PAH: variants seen among roughly 807,000 people sequenced by gnomAD.
The protein encoded by PAH is phenylalanine hydroxylase.
PAH carries 64 observed loss-of-function variants against 62.0 expected under a neutral mutation model. The observed-to-expected ratio is 1.03, with a 90% CI of 0.84 to 1.27. PAH has a LOEUF of 1.27. PAH is among the 50% of genes most tolerant of loss of function. PAH has a pLI of 0.00. For synonymous variants in PAH, 195 were observed against 196.2 expected (o/e 0.99, Z 0.05); for missense variants, 579 against 542.8 (o/e 1.07, Z -0.66).
chr12:102,928,363 G>A (rs1878746752), intron 1 of PAH, among the ~76,000 whole-genome samples: 1 of 152,120 alleles, frequency 6.6e-6, no homozygotes, highest in African/African-American at 2.4e-5. Context: ...TGACTGATAG[G>A]TTTTTAGTAT....
At chr12:102,916,774 C>T (rs1310584599) in intron 1 of PAH, among the ~76,000 whole-genome samples, 3 of 152,204 alleles carry the variant, frequency 2.0e-5, no homozygotes, top group Non-Finnish European at 4.4e-5. Flanking sequence ...CAGAGAGGGA[C>T]AGTAACTTGT....
intron 11 of PAH, among the ~76,000 whole-genome samples, chr12:102,840,966 T>C (rs1483616023): frequency 1.3e-5 from 2 of 152,214 alleles, no homozygotes; most frequent in South Asian, 2.1e-4. Context: ...AAATTTAACA[T>C]TGATGGAGTA....
At chr12:102,913,731 C>T (rs932747838) in intron 1 of PAH, 2 of 693,020 alleles carry the variant, frequency 2.9e-6, no homozygotes, top group Non-Finnish European at 5.3e-6. Flanking sequence ...TGAAAGTACA[C>T]AAATAACCTA....
intron 1 of PAH, among the ~76,000 whole-genome samples, chr12:102,938,575 G>A (rs946030213): frequency 1.3e-5 from 2 of 152,120 alleles, no homozygotes; most frequent in Admixed American, 6.6e-5. Flanking sequence ...ACTGGCCCAG[G>A]ACCCCAGAAC....
chr12:102,931,448 A>G (rs1878871188), intron 1 of PAH, among the ~76,000 whole-genome samples: 1 of 152,136 alleles, frequency 6.6e-6, no homozygotes, highest in African/African-American at 2.4e-5. Flanking sequence ...GTTGATGATG[A>G]TGGTTAGGAA....
chr12:102,936,939 C>G (rs7303652), intron 1 of PAH, among the ~76,000 whole-genome samples: 3 of 152,078 alleles, frequency 2.0e-5, no homozygotes, highest in Non-Finnish European at 2.9e-5. Context: ...GTGGGAGGGA[C>G]CTGCTGGGAG....
intron 2 of PAH, among the ~76,000 whole-genome samples, chr12:102,897,989 G>T (rs754034551): frequency 1.3e-5 from 2 of 152,158 alleles, no homozygotes; most frequent in Non-Finnish European, 2.9e-5. Flanking sequence ...TTCTGAAGCA[G>T]AAATGAACTA....
chr12:102,923,573 CA>C (rs1878610484), intron 1 of PAH: 4 of 152,184 alleles, frequency 2.6e-5, no homozygotes, highest in African/African-American at 9.6e-5. Flanking sequence ...GAGAACTTAC[CA>C]AAATTTTTGA....
Position 102,846,959 on chromosome 12 carries a change from TG to T in PAH, c.913-9del. 3 of 1,612,206 alleles carry T rather than the reference TG, an allele frequency of 1.9e-6. No homozygotes were observed. On this transcript the variant is annotated splice_polypyrimidine_tract_variant and intron_variant, in intron 8 of 12. Transcript: ENST00000553106. Reference sequence around the variant, plus strand: ...AGAGGCAAGGCCAATTTCCTGTAATTGGGGGAAAATAGAACCTGTTCTGTTC... The same window carrying T: ...AGAGGCAAGGCCAATTTCCTGTAATTGGGGAAAATAGAACCTGTTCTGTTC...
upstream of PAH, chr12:102,958,427 G>GCAT (rs1346018845): frequency 6.5e-7 from 1 of 1,548,524 alleles, no homozygotes; most frequent in Non-Finnish European, 8.7e-7. Context: ...AGCAGCAGCA[G>GCAT]CAGGCGCCGC....
At position 102,894,854 on chromosome 12, in the gene PAH, T is replaced by A. The variant is rs1877431301; in HGVS notation, c.233A>T (p.Glu78Val). 1 of 1,613,864 alleles carries A rather than the reference T, an allele frequency of 6.2e-7. No homozygotes were observed. The highest frequency in any genetic ancestry group is 8.5e-7 in the Non-Finnish European group (1 of 1,179,812). ...ACGTTTATCCAAATGGGTGAAAAAT[T>A]CATACTCATCTTTCTTTAAACGAGA... The part of the protein sequence containing the change: ...RPSRLKKDEY[E>V]FFTHLDKRSL... The change falls in exon 3 of 13, where the codon GAA (glutamate) becomes GTA (valine). Residue 78 changes from glutamate (E) to valine (V), a missense_variant. Glu to Val is a moderately radical substitution (Grantham distance 121). Transcript: ENST00000553106.
At chr12:102,855,520 C>T (rs985261939) in intron 5 of PAH, among the ~76,000 whole-genome samples, 188 bp from the exon 6 acceptor site, 5 of 152,130 alleles carry the variant, frequency 3.3e-5, no homozygotes, top group African/African-American at 1.2e-4. Flanking sequence ...GTTTTGATTT[C>T]CCACATGAAA....
chr12:102,950,384 A>C (rs1879697908), intron 1 of PAH: 1 of 152,282 alleles, frequency 6.6e-6, no homozygotes, highest in Non-Finnish European at 1.5e-5. Flanking sequence ...CTTCCTCCTG[A>C]ATCTGTTAGG....
At chr12:102,864,755 G>T (rs1310462107) in intron 5 of PAH, among the ~76,000 whole-genome samples, 1 of 149,406 alleles carries the variant, frequency 6.7e-6, no homozygotes, top group Non-Finnish European at 1.5e-5. Context: ...ATCGATTTTG[G>T]GGTCACAAAT....
intron 1 of PAH, among the ~76,000 whole-genome samples, chr12:102,937,174 T>C (rs1255531247): frequency 1.3e-5 from 2 of 152,220 alleles, no homozygotes; most frequent in Non-Finnish European, 2.9e-5. Flanking sequence ...CTTTCCTTTG[T>C]AAATTACTCA....
Position 102,899,582 on chromosome 12 carries a change from G to A in PAH, c.169-4664C>T, listed in dbSNP as rs149804977. On this transcript the variant is annotated intron_variant, in intron 2 of 12. Coordinates refer to ENST00000553106, the MANE Select transcript of PAH (RefSeq NM_000277.3). ...AATCATTAAAAAGTGAGTAACGGCCGGGCGCGGTGGCTCACGCCTGTAATC... is the reference window on the plus strand; with the variant it reads ...AATCATTAAAAAGTGAGTAACGGCCAGGCGCGGTGGCTCACGCCTGTAATC... 6.3e-3 allele frequency among the ~76,000 whole-genome samples: 953 copies of A among 152,076 alleles called. 18 individuals are homozygous for A. Among genetic ancestry groups the A allele is most frequent in the African/African-American group, 0.022 (925 of 41,486 alleles).
chr12:102,931,644 C>T lies in PAH; in HGVS notation c.-95-14419G>A, dbSNP rs567405436. ...CTTTCATTGCTACTTCCCTCAATCT[C>T]CTTGCCTACCTTCCCTGGGGAGAGT... On this transcript the variant is annotated intron_variant, in intron 1 of 3. Transcript: ENST00000546844. Among the ~76,000 whole-genome samples the T allele has an allele frequency of 7.2e-5, 11 of 152,316 alleles. No homozygotes were observed. In the East Asian group the frequency reaches 2.1e-3, roughly 29 times the overall value.
At chr12:102,870,567 TA>T (rs1162492746) in intron 4 of PAH, among the ~76,000 whole-genome samples, 3 of 152,246 alleles carry the variant, frequency 2.0e-5, no homozygotes, top group Non-Finnish European at 4.4e-5. Context: ...GCTCAGAATA[TA>T]AAAAAGATGT....
intron 8 of PAH, among the ~76,000 whole-genome samples, chr12:102,848,769 G>T (rs938677663): frequency 6.6e-6 from 1 of 151,164 alleles, no homozygotes; most frequent in Non-Finnish European, 1.5e-5. Context: ...GTCACCAGGA[G>T]ACTGGAGAGG....
Sources: gnomAD v4.1 joint callset for allele counts (sites outside exome capture counted in the v4.1 genomes callset) on GRCh38, gnomAD v4.1.1 for gene constraint, MANE v1.5 for transcripts, NCBI Gene and HGNC (gene_info 2026-07-23, HGNC 2026-07-21) for gene names.